ADAMTSL1: variants seen among roughly 807,000 people sequenced by gnomAD.
ADAMTSL1 encodes the protein ADAMTS-like protein 1.
In ADAMTSL1, 126 loss-of-function variants were observed where a neutral mutation model predicts 201.8. The ratio of observed to expected loss-of-function variants is 0.62; its 90% CI spans 0.54 to 0.72. The LOEUF (loss-of-function observed/expected upper bound fraction) is 0.72. Among genes scored for constraint, ADAMTSL1 ranks in the 30% least tolerant of loss-of-function variants. ADAMTSL1 has a pLI of 0.00. For missense variants in ADAMTSL1, 2,679 were observed against 2,277.8 expected, an observed-to-expected ratio of 1.18 and a Z score of -3.59; for synonymous variants, 1,121 against 903.4, an observed-to-expected ratio of 1.24 and a Z score of -4.32.
Position 18,554,446 on chromosome 9 carries a change from T to C in ADAMTSL1, c.238-19584T>C, listed in dbSNP as rs535125416. 8.6e-5 allele frequency among the ~76,000 whole-genome samples: 13 copies of C among 151,972 alleles called. No individual in the cohort carries two copies. In the South Asian group the frequency reaches 1.0e-3, roughly 12 times the overall value. On this transcript the variant is annotated intron_variant, in intron 3 of 28. Coordinates refer to ENST00000380548, the MANE Select transcript of ADAMTSL1 (RefSeq NM_001040272.6). Reference sequence around the variant, plus strand: ...GGTTTACGATGTGTACTTCCTGGAATAATTTACGTTTGCTCTTGAGGAGGA... The same window carrying C: ...GGTTTACGATGTGTACTTCCTGGAACAATTTACGTTTGCTCTTGAGGAGGA...
intron 2 of ADAMTSL1, among the ~76,000 whole-genome samples, chr9:18,204,744 A>C (rs930825080): frequency 6.6e-6 from 1 of 152,140 alleles, no homozygotes; most frequent in African/African-American, 2.4e-5. Context: ...AGGGAGGGGA[A>C]TCTATTGGCT....
rs182923058 is a variant in ADAMTSL1 at position 18,388,564 on chromosome 9, A to G, written c.208-116265A>G. ...GCTGGGATTACAGGCCTGAGCCACC[A>G]TGTTCGGCCTGGACTTTATATTTAA... is the stretch of plus-strand genomic sequence containing the variant. On this transcript the variant is annotated intron_variant, in intron 2 of 29. Transcript: ENST00000680146. Among the ~76,000 whole-genome samples the G allele has an allele frequency of 7.3e-3, 1,088 of 149,380 alleles. 11 individuals are homozygous for G. The highest frequency in any genetic ancestry group is 0.027 in the South Asian group (126 of 4,720).
At chr9:18,415,934 G>A (rs1023404984) in intron 2 of ADAMTSL1, among the ~76,000 whole-genome samples, 8 of 151,966 alleles carry the variant, frequency 5.3e-5, no homozygotes, top group Admixed American at 5.2e-4. Flanking sequence ...TGATAATCTA[G>A]AACCCCAAAA....
At chr9:18,595,713 C>A (rs1422739068) in intron 4 of ADAMTSL1, among the ~76,000 whole-genome samples, 2 of 152,194 alleles carry the variant, frequency 1.3e-5, no homozygotes, top group African/African-American at 4.8e-5. Flanking sequence ...AGCTGATGAG[C>A]CTTTCTACCA....
intron 1 of ADAMTSL1, among the ~76,000 whole-genome samples, chr9:17,986,214 C>G (rs1200737955): frequency 1.3e-5 from 2 of 152,128 alleles, no homozygotes; most frequent in East Asian, 3.9e-4. Context: ...AGTCCCGTAT[C>G]CCTGGGTGTT....
At chr9:18,075,295 A>G (rs1162139663) in intron 1 of ADAMTSL1, among the ~76,000 whole-genome samples, 3 of 152,232 alleles carry the variant, frequency 2.0e-5, no homozygotes, top group African/African-American at 7.2e-5. Flanking sequence ...AGAAGTGTGT[A>G]TGGTACACTT....
intron 1 of ADAMTSL1, among the ~76,000 whole-genome samples, chr9:17,945,126 AC>A (rs1238730363): frequency 8.2e-6 from 1 of 121,534 alleles, no homozygotes; most frequent in African/African-American, 3.2e-5. Flanking sequence ...CAAGAAAAAA[AC>A]AAACAACCCC....
intron 4 of ADAMTSL1, among the ~76,000 whole-genome samples, chr9:18,619,468 C>G (rs17229526): frequency 0.1 from 15,354 of 151,978 alleles, 963 homozygotes; most frequent in Non-Finnish European, 0.14. Flanking sequence ...TGAAGCTAAA[C>G]AAAGCCCATT....
chr9:18,576,934 C>G (rs1197469368), intron 4 of ADAMTSL1, among the ~76,000 whole-genome samples: 1 of 151,812 alleles, frequency 6.6e-6, no homozygotes, highest in African/African-American at 2.4e-5. Flanking sequence ...CCAGAGACTC[C>G]CAGCTCTGTC....
chr9:18,258,687 T>TCTTCCAGTAGCG (rs1236799344), intron 2 of ADAMTSL1, among the ~76,000 whole-genome samples: 1 of 152,050 alleles, frequency 6.6e-6, no homozygotes, highest in Non-Finnish European at 1.5e-5. Flanking sequence ...GCTCCTGGAG[T>TCTTCCAGTAGCG]CTTCCAGTAG....
At chr9:17,974,086 G>C (rs1364380841) in intron 1 of ADAMTSL1, among the ~76,000 whole-genome samples, 1 of 151,886 alleles carries the variant, frequency 6.6e-6, no homozygotes, top group East Asian at 1.9e-4. Context: ...GGTATTGATG[G>C]GACGTATCTC....
chr9:18,763,729 C>A (rs1265173286), intron 16 of ADAMTSL1, among the ~76,000 whole-genome samples: 2 of 152,096 alleles, frequency 1.3e-5, no homozygotes, highest in African/African-American at 4.8e-5. Context: ...AAGCACCATT[C>A]ATTGAAGAAA....
chr9:18,890,707 C>T (rs1286358998), intron 25 of ADAMTSL1: 7 of 387,176 alleles, frequency 1.8e-5, no homozygotes, highest in African/African-American at 6.3e-5. Context: ...TAGCCTGGCC[C>T]GCTCCTTTCT....
intron 2 of ADAMTSL1, among the ~76,000 whole-genome samples, chr9:18,406,554 C>T: frequency 6.6e-6 from 1 of 152,078 alleles, no homozygotes; most frequent in East Asian, 1.9e-4. Flanking sequence ...TGGGTTCAAA[C>T]TCCTGACCTC....
intron 1 of ADAMTSL1, among the ~76,000 whole-genome samples, chr9:18,003,773 A>G (rs1041712914): frequency 5.9e-5 from 9 of 152,092 alleles, no homozygotes; most frequent in Non-Finnish European, 1.3e-4. Flanking sequence ...AGGATTAGGA[A>G]ACGAATGAGC....
At chr9:18,335,609 T>C (rs1302565334) in intron 2 of ADAMTSL1, among the ~76,000 whole-genome samples, 1 of 152,150 alleles carries the variant, frequency 6.6e-6, no homozygotes, top group Non-Finnish European at 1.5e-5. Flanking sequence ...AAGACAATAT[T>C]ACTGTTCACT....
At position 18,882,694 on chromosome 9, in the gene ADAMTSL1, T is replaced by C. The variant is rs573721997; in HGVS notation, c.4250-5137T>C. ...GGTGAGACTGCTTCTCCTGAGTACCTTGAATAAGGTGATACAGGGCCAGGC... is the reference window on the plus strand; with the variant it reads ...GGTGAGACTGCTTCTCCTGAGTACCCTGAATAAGGTGATACAGGGCCAGGC... On this transcript the variant is annotated intron_variant, in intron 23 of 28. Coordinates refer to ENST00000380548, the MANE Select transcript of ADAMTSL1 (RefSeq NM_001040272.6). Among the ~76,000 whole-genome samples the C allele has an allele frequency of 5.9e-5, 9 of 152,150 alleles. No homozygotes were observed. The South Asian group carries it at 1.7e-3, about 28-fold the overall frequency.
At chr9:18,258,021 AG>A (rs1292469674) in intron 2 of ADAMTSL1, among the ~76,000 whole-genome samples, 5 of 152,322 alleles carry the variant, frequency 3.3e-5, no homozygotes, top group African/African-American at 1.2e-4. Flanking sequence ...ATGATGAAAA[AG>A]TTTTTGGAAA....
intron 21 of ADAMTSL1, among the ~76,000 whole-genome samples, chr9:18,820,030 C>G (rs964407931): frequency 3.3e-5 from 5 of 152,206 alleles, no homozygotes; most frequent in Non-Finnish European, 7.3e-5. Flanking sequence ...GCTTAGTGAC[C>G]TCCTGATTGG....
Sources: allele counts gnomAD v4.1 joint callset (sites outside exome capture counted in the v4.1 genomes callset), GRCh38; gene constraint gnomAD v4.1.1; transcripts MANE v1.5; gene names NCBI Gene and HGNC (gene_info 2026-07-23, HGNC 2026-07-21).